The following SLC1A6 variants were observed in gnomAD, a reference collection of about 807,000 sequenced individuals.
SLC1A6 encodes the protein excitatory amino acid transporter 4.
SLC1A6 carries 15 observed loss-of-function variants against 42.1 expected under a neutral mutation model. The ratio of observed to expected loss-of-function variants is 0.36; its 90% confidence interval spans 0.24 to 0.55. The LOEUF is 0.55. Ranked by LOEUF, SLC1A6 falls within the 20% of genes least tolerant of loss-of-function variation. SLC1A6 has a pLI of 0.88. For synonymous variants in SLC1A6, 317 were observed against 319.7 expected (o/e 0.99, Z 0.09); for missense variants, 542 against 772.5 (o/e 0.70, Z 3.54).
chr19:15,008,031 C>CA lies in SLC1A6; in HGVS notation c.6+2453dup, dbSNP rs1234393695. Among the ~76,000 whole-genome samples the CA allele has an allele frequency of 2.1e-4, 17 of 79,390 alleles. No individual in the cohort carries two copies. In the South Asian group the frequency reaches 2.3e-3, roughly 11 times the overall value. The allele number at this position is 79,390 out of a possible 152,430, so 52.1% of individuals were successfully genotyped here. On this transcript the variant is annotated intron_variant, in intron 1 of 8. Transcript: ENST00000430939. ...CAAGATCAAAAGTCTGCCCCCCCCC[C>CA]AAAAAAAAACCAACCACACACACAC... is the stretch of plus-strand genomic sequence containing the variant.
chr19:14,978,265 T>C (rs1208669058), intron 1 of SLC1A6: 1 of 152,194 alleles, frequency 6.6e-6, no homozygotes, highest in African/African-American at 2.4e-5. Context: ...TCTCGGAGCC[T>C]CTTACATCCC....
intron 1 of SLC1A6, 184 bp from the exon 2 acceptor site, chr19:14,973,101 T>C (rs969007345): frequency 1.7e-6 from 1 of 584,326 alleles, no homozygotes; most frequent in African/African-American, 1.9e-5. Context: ...GGAGAATCAC[T>C]TGCGCCCAGG....
chr19:15,007,125 G>A (rs1289077886), intron 1 of SLC1A6, among the ~76,000 whole-genome samples: 1 of 152,138 alleles, frequency 6.6e-6, no homozygotes, highest in Non-Finnish European at 1.5e-5. Flanking sequence ...AAGCTCACAA[G>A]TGAAAAACAA....
intron 1 of SLC1A6, among the ~76,000 whole-genome samples, chr19:15,008,333 G>C (rs549579175): frequency 1.3e-5 from 2 of 151,866 alleles, no homozygotes; most frequent in Non-Finnish European, 2.9e-5. Context: ...CCACAAAGTG[G>C]GGCTCAGTCT....
In SLC1A6 at chr19:14,950,328, T is replaced by C; in HGVS notation, c.1562A>G (p.His521Arg). ...AAGCTCCAGCTCCCGCTGAGACAAG[T>C]GCTCGATGACGGCCGCTCCAATTGA... ...GDSIGAAVIE[H>R]LSQRELELQE... The change falls in exon 10 of 10, where the codon CAC becomes CGC. Residue 521 changes from histidine (H) to arginine (R), a missense_variant. This residue lies in a region of SLC1A6 where 73 missense variants were observed against 85.2 expected (regional missense o/e 0.86). Coordinates refer to ENST00000594383, the MANE Select transcript of SLC1A6 (RefSeq NM_005071.3). 1.2e-6 allele frequency: 2 copies of C among 1,611,656 alleles called. No homozygotes were observed. Among genetic ancestry groups the C allele is most frequent in the Non-Finnish European group, 1.7e-6 (2 of 1,178,756 alleles).
chr19:15,002,944 G>C (rs1470112456), intron 1 of SLC1A6, among the ~76,000 whole-genome samples: 1 of 149,410 alleles, frequency 6.7e-6, no homozygotes, highest in Non-Finnish European at 1.5e-5. Context: ...TTTCATTTTT[G>C]TCTTTTTGTT....
chr19:15,009,915 C>T (rs796523615), intron 1 of SLC1A6, among the ~76,000 whole-genome samples: 13 of 152,152 alleles, frequency 8.5e-5, no homozygotes, highest in African/African-American at 3.1e-4. Context: ...CGTGGTGGCT[C>T]ACGCCTGTAA....
At chr19:14,971,622 T>G in intron 3 of SLC1A6, 115 bp downstream of exon 3, 22 of 1,012,348 alleles carry the variant, frequency 2.2e-5, no homozygotes, top group Non-Finnish European at 2.9e-5. Context: ...ACAGGCTCCA[T>G]GTTTGAGGTG....
intron 1 of SLC1A6, among the ~76,000 whole-genome samples, chr19:15,006,052 A>C (rs944443319): frequency 2.0e-5 from 3 of 152,240 alleles, no homozygotes; most frequent in African/African-American, 7.2e-5. Flanking sequence ...GTTCTTTGTG[A>C]AACCCTCTCT....
chr19:14,973,938 C>T (rs935340105), intron 1 of SLC1A6: 1 of 152,370 alleles, frequency 6.6e-6, no homozygotes, highest in African/African-American at 2.4e-5. Context: ...GATTCTTGGC[C>T]ACAGTGTGAT....
intron 1 of SLC1A6, among the ~76,000 whole-genome samples, chr19:15,007,496 T>C (rs2045901319): frequency 6.6e-6 from 1 of 152,144 alleles, no homozygotes. Context: ...AAGGTGTTAA[T>C]GCCTCTGAAT....
At chr19:14,961,713 A>C (rs756037364) in intron 6 of SLC1A6, 51 of 365,498 alleles carry the variant, frequency 1.4e-4, no homozygotes, top group Non-Finnish European at 2.4e-4. Context: ...AGATGAACAA[A>C]GCAGTGAATG....
intron 2 of SLC1A6, 115 bp from the exon 3 acceptor site, chr19:14,971,989 T>C: frequency 1.1e-6 from 1 of 943,720 alleles, no homozygotes; most frequent in Non-Finnish European, 1.6e-6. Flanking sequence ...AGAAATATCC[T>C]ATGAGTGTGT....
chr19:14,972,740 G>A lies in SLC1A6; in HGVS notation c.171C>T (p.Ala57=). ...EHVLRFLRRN[A]FILLTVSAVV... is the part of the protein sequence containing the mutation. ...CGGCGCTGACCGTCAGCAGAATGAA[G>A]GCGTTTCGGCGCAGGAAGCGCAGCA... Residue 57 remains alanine, a synonymous_variant, in exon 2 of 10, where the codon GCC becomes GCT. Coordinates refer to ENST00000594383, the MANE Select transcript of SLC1A6 (RefSeq NM_005071.3). The A allele has an allele frequency of 6.2e-7, 1 of 1,614,052 alleles. No homozygotes were observed. The highest frequency in any genetic ancestry group is 8.5e-7 in the Non-Finnish European group (1 of 1,180,038).
intron 1 of SLC1A6, among the ~76,000 whole-genome samples, chr19:14,993,749 T>G (rs757468): frequency 0.28 from 43,301 of 152,012 alleles, 6,757 homozygotes; most frequent in South Asian, 0.56. Flanking sequence ...CTGAAAAGAG[T>G]CAGGGGCTGG....
chr19:15,007,456 C>T (rs529872089), intron 1 of SLC1A6, among the ~76,000 whole-genome samples: 2 of 152,060 alleles, frequency 1.3e-5, no homozygotes, highest in African/African-American at 4.8e-5. Context: ...TTCTAGAATT[C>T]GATACAAGTG....
At position 14,956,027 on chromosome 19, in the gene SLC1A6, C is replaced by T. The variant is rs147498891; in HGVS notation, c.1169+449G>A. Among the ~76,000 whole-genome samples, 71 of 151,670 alleles carry T rather than the reference C, an allele frequency of 4.7e-4. 2 individuals carry two copies. The highest frequency in any genetic ancestry group is 1.7e-3 in the African/African-American group (70 of 41,294). ...ATTGGGATGATGCTCTTAATTAATCCCCTAAAACTACAAAAGAAGAAGAGG... is the reference window on the plus strand; with the variant it reads ...ATTGGGATGATGCTCTTAATTAATCTCCTAAAACTACAAAAGAAGAAGAGG... On this transcript the variant is annotated intron_variant, in intron 7 of 9. Transcript: ENST00000594383.
rs1026402297 is a variant in SLC1A6, at chr19:14,972,801, G to A, written c.110C>T (p.Thr37Met). Residue 37 changes from threonine to methionine, a missense_variant, in exon 2 of 10, where the codon ACG (threonine) becomes ATG (methionine). Thr to Met is a moderately conservative substitution (Grantham distance 81). This residue lies in a region of SLC1A6 where 88 missense variants were observed against 85.5 expected (regional missense o/e 1.03). Transcript: ENST00000594383. ...GGTCATGGTCTGCAGGCGCAGGCGC[G>A]TGCGCAGTGCTCTCTGCTGCAGGCT... is the stretch of plus-strand genomic sequence containing the variant. ...QESLQQRALR[T>M]RLRLQTMTLE... 2 of 1,612,476 alleles carry A rather than the reference G, an allele frequency of 1.2e-6. No homozygotes were observed. The highest frequency in any genetic ancestry group is 1.3e-5 in the African/African-American group (1 of 74,926).
chr19:14,969,038 C>G (rs144945770), intron 3 of SLC1A6, among the ~76,000 whole-genome samples: 1 of 152,164 alleles, frequency 6.6e-6, no homozygotes, highest in African/African-American at 2.4e-5. Flanking sequence ...CGGGGTTTCA[C>G]CATGTTGGCC....
Sources: allele counts gnomAD v4.1 joint callset (sites outside exome capture counted in the v4.1 genomes callset), GRCh38; gene constraint gnomAD v4.1.1; regional missense constraint gnomAD v4.1.1; transcripts MANE v1.5; gene names NCBI Gene and HGNC (gene_info 2026-07-23, HGNC 2026-07-21).